The following ZNF385D variants were observed in gnomAD, a reference collection of about 807,000 sequenced individuals.
ZNF385D encodes zinc finger protein 659.
A neutral mutation model predicts 35.8 loss-of-function variants in ZNF385D; 15 were observed. The observed-to-expected ratio is 0.42, with a 90% CI of 0.28 to 0.64. The LOEUF is 0.64. Ranked by LOEUF, ZNF385D falls within the 30% of genes least tolerant of loss-of-function variation. The pLI, the probability that ZNF385D is intolerant of heterozygous loss-of-function variation, is 0.23. For missense variants in ZNF385D, 474 were observed against 494.6 expected, an observed-to-expected ratio of 0.96 and a Z score of 0.39; for synonymous variants, 212 against 186.8, an observed-to-expected ratio of 1.13 and a Z score of -1.10.
chr3:21,896,594 G>A (rs533263223), intron 3 of ZNF385D, among the ~76,000 whole-genome samples: 2 of 152,160 alleles, frequency 1.3e-5, no homozygotes, highest in East Asian at 3.9e-4. Context: ...AGCTATAAAA[G>A]AGCTTCCTAT....
chr3:22,296,208 G>A (rs946168812), intron 2 of ZNF385D, among the ~76,000 whole-genome samples: 4 of 152,060 alleles, frequency 2.6e-5, no homozygotes, highest in African/African-American at 9.7e-5. Flanking sequence ...CAAAACTTAT[G>A]GGCCTTAAAC....
At chr3:21,584,303 A>G (rs1215425618) in intron 2 of ZNF385D, among the ~76,000 whole-genome samples, 1 of 152,102 alleles carries the variant, frequency 6.6e-6, no homozygotes, top group Admixed American at 6.6e-5. Flanking sequence ...AATGTTCAAA[A>G]ACTTTCTAAC....
intron 3 of ZNF385D, among the ~76,000 whole-genome samples, chr3:21,874,160 T>G (rs1047236097): frequency 1.3e-5 from 2 of 152,032 alleles, no homozygotes; most frequent in African/African-American, 4.8e-5. Context: ...CACTTCTTCC[T>G]TTTTGCTTTT....
intron 2 of ZNF385D, among the ~76,000 whole-genome samples, chr3:21,612,763 T>C (rs193076591): frequency 6.6e-6 from 1 of 152,334 alleles, no homozygotes; most frequent in Admixed American, 6.5e-5. Flanking sequence ...TTAGAATCTA[T>C]AATCTAAACC....
intron 3 of ZNF385D, among the ~76,000 whole-genome samples, chr3:22,050,732 T>C (rs1559334540): frequency 6.6e-6 from 1 of 152,242 alleles, no homozygotes; most frequent in Non-Finnish European, 1.5e-5. Flanking sequence ...TCTGAAATTA[T>C]ATTAATTCAT....
At position 22,296,209 on chromosome 3, in the gene ZNF385D, G is replaced by A. The variant is rs188712309; in HGVS notation, c.106+76241C>T. 2.3e-3 allele frequency among the ~76,000 whole-genome samples: 343 copies of A among 152,138 alleles called. 3 individuals are homozygous for A. The highest frequency in any genetic ancestry group is 5.9e-3 in the Admixed American group (90 of 15,280). On this transcript the variant is annotated intron_variant, in intron 2 of 5. Transcript: ENST00000494108. ...TACAATACTACCCTCAAAACTTATGGGCCTTAAACAATTGTGTTTGTTACT... is the reference window on the plus strand; with the variant it reads ...TACAATACTACCCTCAAAACTTATGAGCCTTAAACAATTGTGTTTGTTACT...
upstream of ZNF385D, among the ~76,000 whole-genome samples, chr3:21,754,943 T>G (rs2070275138): frequency 6.6e-6 from 1 of 152,218 alleles, no homozygotes; most frequent in Non-Finnish European, 1.5e-5. Context: ...TGAAGTCAGT[T>G]CTTTGAGGTT....
At chr3:22,183,014 A>T (rs1695387653) in intron 2 of ZNF385D, among the ~76,000 whole-genome samples, 1 of 152,134 alleles carries the variant, frequency 6.6e-6, no homozygotes, top group African/African-American at 2.4e-5. Context: ...AAATTGTAAA[A>T]AACTGGGTTT....
intron 3 of ZNF385D, among the ~76,000 whole-genome samples, chr3:22,155,451 T>C (rs1035895207): frequency 6.6e-6 from 1 of 152,094 alleles, no homozygotes; most frequent in African/African-American, 2.4e-5. Context: ...AAATATTTTA[T>C]GGCAGTAGGA....
At chr3:21,946,708 T>C (rs556422245) in intron 3 of ZNF385D, among the ~76,000 whole-genome samples, 2 of 152,240 alleles carry the variant, frequency 1.3e-5, no homozygotes, top group East Asian at 3.9e-4. Flanking sequence ...AGCTTGCACC[T>C]GTAATGCCAG....
chr3:22,012,258 C>G (rs1351639071), intron 3 of ZNF385D, among the ~76,000 whole-genome samples: 2 of 152,124 alleles, frequency 1.3e-5, no homozygotes, highest in African/African-American at 4.8e-5. Context: ...CTTATATTTA[C>G]AAGCTAAAAT....
At chr3:21,947,878 G>A (rs980091436) in intron 3 of ZNF385D, among the ~76,000 whole-genome samples, 1 of 152,018 alleles carries the variant, frequency 6.6e-6, no homozygotes, top group Non-Finnish European at 1.5e-5. Flanking sequence ...TACTTTTGAA[G>A]CAATATTTCT....
At chr3:21,883,794 G>C (rs905665521) in intron 3 of ZNF385D, among the ~76,000 whole-genome samples, 1 of 151,964 alleles carries the variant, frequency 6.6e-6, no homozygotes, top group Non-Finnish European at 1.5e-5. Flanking sequence ...GATTATTTAG[G>C]CAATGCACAT....
Position 21,539,795 on chromosome 3 carries a change from T to C in ZNF385D, c.276+24779A>G, listed in dbSNP as rs1044393146. On this transcript the variant is annotated intron_variant, in intron 3 of 7. Transcript: ENST00000281523. The surrounding 1 kb of genome is among the most constrained non-coding windows in gnomAD (Gnocchi z 4.0). ...TAACTTTTCTGATAATGCTACGGTC[T>C]TAAGAAATATGGGTTGGCTTGGAGA... Among the ~76,000 whole-genome samples, 1 of 152,172 alleles carries C rather than the reference T, an allele frequency of 6.6e-6. No individual in the cohort carries two copies. Among genetic ancestry groups the C allele is most frequent in the African/African-American group, 2.4e-5 (1 of 41,460 alleles).
At chr3:21,621,554 C>CGTGTGTGT (rs58332425) in intron 2 of ZNF385D, among the ~76,000 whole-genome samples, 13,575 of 136,758 alleles carry the variant, frequency 0.099, 773 homozygotes, top group South Asian at 0.13. Context: ...AAAAAATTCC[C>CGTGTGTGT]GTGTGTGTGT....
At chr3:21,814,101 G>C (rs987890313) in intron 3 of ZNF385D, among the ~76,000 whole-genome samples, 3 of 152,240 alleles carry the variant, frequency 2.0e-5, no homozygotes, top group African/African-American at 7.2e-5. Flanking sequence ...GCCAAACTAA[G>C]CTTCATAAGT....
intron 3 of ZNF385D, among the ~76,000 whole-genome samples, chr3:21,537,529 G>A (rs915444570): frequency 1.8e-4 from 27 of 151,982 alleles, no homozygotes; most frequent in African/African-American, 5.3e-4. Flanking sequence ...TTTTCTTTAC[G>A]AAAGCAGGCA....
chr3:22,087,048 G>A (rs183324410), intron 3 of ZNF385D, among the ~76,000 whole-genome samples: 7 of 152,066 alleles, frequency 4.6e-5, no homozygotes, highest in East Asian at 1.9e-4. Context: ...AAACCTGCAC[G>A]CACATGTACC....
At chr3:22,207,553 C>T (rs1042775191) in intron 2 of ZNF385D, among the ~76,000 whole-genome samples, 1 of 151,888 alleles carries the variant, frequency 6.6e-6, no homozygotes, top group Admixed American at 6.6e-5. Flanking sequence ...GAATAGTACA[C>T]AGCAAGCATA....
Sources: allele counts gnomAD v4.1 joint callset (sites outside exome capture counted in the v4.1 genomes callset), GRCh38; gene constraint gnomAD v4.1.1; non-coding constraint Gnocchi (gnomAD v3.1); transcripts MANE v1.5; gene names NCBI Gene and HGNC (gene_info 2026-07-23, HGNC 2026-07-21).